Variants in EXOC6 observed in about 807,000 individuals in gnomAD.
EXOC6 encodes the protein exocyst complex component 6.
A neutral mutation model predicts 112.5 loss-of-function variants in EXOC6; 60 were observed. The observed-to-expected ratio is 0.53, with a 90% confidence interval of 0.43 to 0.66. The LOEUF is 0.66. EXOC6 is among the 30% of genes least tolerant of loss of function. EXOC6 has a pLI of 0.00. For synonymous variants in EXOC6, 295 were observed against 308.0 expected, an observed-to-expected ratio of 0.96 and a Z score of 0.44; for missense variants, 855 against 957.1, an observed-to-expected ratio of 0.89 and a Z score of 1.41.
chr10:92,934,579 G>T, intron 11 of EXOC6, 149 bp downstream of exon 11: 1 of 636,698 alleles, frequency 1.6e-6, no homozygotes, highest in African/African-American at 1.9e-5. Context: ...TCAGGCTTTT[G>T]TTTGGTAATA....
intron 5 of EXOC6, among the ~76,000 whole-genome samples, chr10:92,903,839 G>A (rs527823276): frequency 6.6e-6 from 1 of 151,990 alleles, no homozygotes; most frequent in Non-Finnish European, 1.5e-5. Context: ...TTACAGTAGA[G>A]TTCACTCTGT....
Position 92,843,180 on chromosome 10 carries a change from T to C in EXOC6, c.86+8356T>C, listed in dbSNP as rs1268103484. On this transcript the variant is annotated intron_variant, in intron 1 of 21. Transcript: ENST00000371552. Reference sequence around the variant, plus strand: ...CTCCACCGTGGGGTCCAGATCTTTATGGAACAGCCGATTCCTGCACAGGGT... The same window carrying C: ...CTCCACCGTGGGGTCCAGATCTTTACGGAACAGCCGATTCCTGCACAGGGT... Among the ~76,000 whole-genome samples, 4 of 152,358 alleles carry C rather than the reference T, an allele frequency of 2.6e-5. No homozygotes were observed. In the East Asian group the frequency reaches 5.8e-4, roughly 22 times the overall value.
intron 19 of EXOC6, among the ~76,000 whole-genome samples, chr10:93,013,111 G>A (rs899884373): frequency 6.6e-6 from 1 of 152,124 alleles, no homozygotes; most frequent in African/African-American, 2.4e-5. Context: ...AAGCTTGCAT[G>A]TAAAATGACA....
intron 1 of EXOC6, among the ~76,000 whole-genome samples, chr10:92,835,292 A>G (rs1318089700): frequency 6.6e-6 from 1 of 152,200 alleles, no homozygotes; most frequent in Non-Finnish European, 1.5e-5. Flanking sequence ...TTGTTTCCAT[A>G]TAAGGTTTAT....
At chr10:92,909,774 GAT>G in intron 6 of EXOC6, 143 bp downstream of exon 6, 2 of 587,244 alleles carry the variant, frequency 3.4e-6, no homozygotes, top group Non-Finnish European at 5.8e-6. Context: ...GTTTAGAAAG[GAT>G]TCTATCAGTG....
At position 93,050,043 on chromosome 10, in the gene EXOC6, A is replaced by T. The variant is rs868432412; in HGVS notation, c.2170-6881A>T. ...TGTATGGTACATCTCAAAGCTGTTAAAAAAAAAAATTTTAAAGTTATATAA... is the reference window on the plus strand; with the variant it reads ...TGTATGGTACATCTCAAAGCTGTTATAAAAAAAAATTTTAAAGTTATATAA... On this transcript the variant is annotated intron_variant, in intron 20 of 21. Coordinates refer to ENST00000260762, the MANE Select transcript of EXOC6 (RefSeq NM_019053.6). Among the ~76,000 whole-genome samples the T allele has an allele frequency of 5.9e-3, 889 of 151,210 alleles. 10 individuals carry two copies. Among genetic ancestry groups the T allele is most frequent in the African/African-American group, 0.02 (823 of 41,120 alleles).
intron 20 of EXOC6, among the ~76,000 whole-genome samples, chr10:93,036,682 T>A (rs1173815236): frequency 1.3e-5 from 2 of 152,202 alleles, no homozygotes; most frequent in Admixed American, 1.3e-4. Context: ...GAATTATTTT[T>A]AAAAGAGATA....
chr10:92,881,157 T>C (rs1243027516), intron 1 of EXOC6, among the ~76,000 whole-genome samples: 2 of 152,182 alleles, frequency 1.3e-5, no homozygotes, highest in Admixed American at 6.5e-5. Context: ...CATTTGGGAG[T>C]GGCTACATGT....
chr10:92,975,741 TC>T (rs1354300811), intron 18 of EXOC6, among the ~76,000 whole-genome samples: 4 of 92,282 alleles, frequency 4.3e-5, no homozygotes, highest in African/African-American at 8.3e-5. Context: ...GGGAGGGAGG[TC>T]GGGGGGCCAG....
intron 14 of EXOC6, among the ~76,000 whole-genome samples, chr10:92,951,015 G>C (rs1008441030): frequency 6.6e-6 from 1 of 152,126 alleles, no homozygotes; most frequent in Non-Finnish European, 1.5e-5. Flanking sequence ...GGAGATAAAG[G>C]GGTCAAGTAA....
At chr10:92,939,487 G>A (rs1852537744) in intron 12 of EXOC6, among the ~76,000 whole-genome samples, 3 of 151,890 alleles carry the variant, frequency 2.0e-5, no homozygotes, top group Non-Finnish European at 2.9e-5. Context: ...CTAGGTTGAT[G>A]ATAGCATTAT....
At chr10:92,983,788 C>T (rs1428107602) in intron 18 of EXOC6, among the ~76,000 whole-genome samples, 27 of 151,882 alleles carry the variant, frequency 1.8e-4, no homozygotes, top group Admixed American at 3.9e-4. Flanking sequence ...ATTATAGGCA[C>T]GAGCCACTGC....
At chr10:93,044,219 C>T (rs1590100730) in intron 20 of EXOC6, among the ~76,000 whole-genome samples, 1 of 152,086 alleles carries the variant, frequency 6.6e-6, no homozygotes, top group African/African-American at 2.4e-5. Flanking sequence ...GTTTGTCGCG[C>T]AAATTATTAT....
rs545284476 is a variant in EXOC6, at chr10:92,959,962, A to G, written c.1773+4248A>G. Among the ~76,000 whole-genome samples the G allele has an allele frequency of 2.0e-5, 3 of 152,344 alleles. No homozygotes were observed. The East Asian group carries it at 5.8e-4, about 29-fold the overall frequency. Reference sequence around the variant, plus strand: ...GGAAGACCATTTGGCAGCTTCTTAGAAAGTGAAACGCAGTCTTACCATATG... The same window carrying G: ...GGAAGACCATTTGGCAGCTTCTTAGGAAGTGAAACGCAGTCTTACCATATG... On this transcript the variant is annotated intron_variant, in intron 17 of 21. Transcript: ENST00000260762.
intron 20 of EXOC6, among the ~76,000 whole-genome samples, chr10:93,042,387 TTA>T (rs1845822859): frequency 6.6e-6 from 1 of 152,228 alleles, no homozygotes; most frequent in Non-Finnish European, 1.5e-5. Context: ...TAGTTTGTAA[TTA>T]TGTTTGTGTG....
intron 1 of EXOC6, among the ~76,000 whole-genome samples, chr10:92,867,876 A>G (rs1349486143): frequency 6.6e-6 from 1 of 152,100 alleles, no homozygotes; most frequent in Non-Finnish European, 1.5e-5. Context: ...TTGCATTAGT[A>G]TCAGCTTTCT....
At chr10:92,935,122 A>G (rs532192112) in intron 11 of EXOC6, among the ~76,000 whole-genome samples, 296 of 152,120 alleles carry the variant, frequency 1.9e-3, no homozygotes, top group Admixed American at 3.8e-3. Flanking sequence ...TTGTTAGCTT[A>G]TGTGATATTA....
intron 1 of EXOC6, among the ~76,000 whole-genome samples, chr10:92,875,854 T>C (rs1416451349): frequency 1.3e-5 from 2 of 152,066 alleles, no homozygotes; most frequent in African/African-American, 4.8e-5. Context: ...ATAGAAATTT[T>C]CATCCCTTTT....
rs776034801 is a variant in EXOC6, at chr10:92,909,525, C to G, written c.557C>G (p.Pro186Arg). Residue 186 changes from proline to arginine, a missense_variant, in exon 6 of 22, where the codon CCC becomes CGC. Pro to Arg is a moderately radical substitution (Grantham distance 103, BLOSUM62 -2). Around this residue, in one of 2 missense-constraint regions of EXOC6, gnomAD observed 405 missense variants for 393.6 expected, o/e 1.03. Transcript: ENST00000260762. ...TGTCAGCTCATGATAGAAAATCTTCCCAAACTCCGTGAGGATATTAAAGAA... is the reference window on the plus strand; with the variant it reads ...TGTCAGCTCATGATAGAAAATCTTCGCAAACTCCGTGAGGATATTAAAGAA... Reference protein sequence around the residue: ...RFCQLMIENLPKLREDIKEIS... With the variant: ...RFCQLMIENLRKLREDIKEIS... The G allele has an allele frequency of 6.2e-7, 1 of 1,613,296 alleles. No homozygotes were observed. The highest frequency in any genetic ancestry group is 8.5e-7 in the Non-Finnish European group (1 of 1,179,448).
Sources: allele counts gnomAD v4.1 joint callset (sites outside exome capture counted in the v4.1 genomes callset), GRCh38; gene constraint gnomAD v4.1.1; regional missense constraint gnomAD v4.1.1; transcripts MANE v1.5; gene names NCBI Gene and HGNC (gene_info 2026-07-23, HGNC 2026-07-21).